The following APOB variants were observed in gnomAD, a reference collection of about 807,000 sequenced individuals.
APOB encodes apolipoprotein B-100.
A neutral mutation model predicts 314.1 loss-of-function variants in APOB; 153 were observed. The observed-to-expected ratio is 0.49, with a 90% CI of 0.43 to 0.56. APOB has a LOEUF of 0.56. APOB is among the 20% of genes least tolerant of loss of function. The pLI, the probability that APOB is intolerant of heterozygous loss-of-function variation, is 0.00. For missense variants in APOB, 5,430 were observed against 5,350.7 expected (o/e 1.01, Z -0.46); for synonymous variants, 2,087 against 2,036.4 (o/e 1.02, Z -0.67).
chr2:21,014,940 TCCCC>T, intron 23 of APOB, 129 bp downstream of exon 23: 1 of 974,888 alleles, frequency 1.0e-6, no homozygotes. Context: ...TTTTTTTTTC[TCCCC>T]AAGAATTCCC....
intron 20 of APOB, 26 bp downstream of exon 20, chr2:21,018,966 G>A: frequency 1.9e-6 from 3 of 1,613,868 alleles, no homozygotes; most frequent in African/African-American, 1.3e-5. Context: ...GAGCAGAGAT[G>A]AGGCAGCTGT....
rs766656064 is a variant in APOB, at chr2:21,004,655, C to T, written c.11809G>A (p.Glu3937Lys). The T allele has an allele frequency of 8.1e-6, 13 of 1,613,560 alleles. No homozygotes were observed. Among genetic ancestry groups the T allele is most frequent in the African/African-American group, 4.0e-5 (3 of 74,870 alleles). The change falls in exon 27 of 29, where the codon GAA (glutamate) becomes AAA (lysine). Residue 3937 changes from glutamate to lysine, a missense_variant. Physicochemically the swap from Glu to Lys is moderately conservative, Grantham distance 56. This residue lies in a region of APOB where 3,281 missense variants were observed against 3,171.0 expected (regional missense o/e 1.03). Coordinates refer to ENST00000233242, the MANE Select transcript of APOB (RefSeq NM_000384.3). ...ELNVLGTHKI[E>K]DGTLASKTKG... ...GTCTTAGAGGCTAACGTACCATCTTCGATTTTGTGTGTTCCCAAAACTGTA... is the reference window on the plus strand; with the variant it reads ...GTCTTAGAGGCTAACGTACCATCTTTGATTTTGTGTGTTCCCAAAACTGTA...
In APOB at chr2:21,043,756, A is replaced by C. The variant is rs373710220; in HGVS notation, c.82+108T>G. On this transcript the variant is annotated intron_variant, in intron 1 of 28. Transcript: ENST00000233242. Reference sequence around the variant, plus strand: ...GGTCCAATCCCCCCACTCGCCCTGGACCCTGTGGCTGCCCTCCCTCTGGCC... The same window carrying C: ...GGTCCAATCCCCCCACTCGCCCTGGCCCCTGTGGCTGCCCTCCCTCTGGCC... 3.3e-5 allele frequency: 50 copies of C among 1,511,068 alleles called. 1 individual carries two copies. The Middle Eastern group carries it at 5.2e-4, about 16-fold the overall frequency. 93.6% of individuals were successfully genotyped at this position (1,511,068 alleles called of 1,614,324 possible).
At chr2:21,042,996 G>C (rs1019326063) in intron 2 of APOB, among the ~76,000 whole-genome samples, 1 of 148,020 alleles carries the variant, frequency 6.8e-6, no homozygotes, top group Non-Finnish European at 1.5e-5. Flanking sequence ...AGAACATCTG[G>C]GTCCTGAGTC....
Position 21,038,109 on chromosome 2 carries a change from T to C in APOB, c.386A>G (p.Tyr129Cys), listed in dbSNP as rs201368319. The change falls in exon 5 of 29, where the codon TAT becomes TGT. Residue 129 changes from tyrosine to cysteine, a missense_variant and splice_region_variant. By Grantham distance (194) the Tyr-to-Cys change is radical. This residue lies in a region of APOB where 2,085 missense variants were observed against 2,079.7 expected (regional missense o/e 1.00). Coordinates refer to ENST00000233242, the MANE Select transcript of APOB (RefSeq NM_000384.3). ...SEEFAAAMSR[Y>C]ELKLAIPEGK... ...TTCTGGAATGGCCAGCTTGAGCTCA[T>C]ACCTGTCCCAGAGAGAGGATGGTCA... 1.1e-5 allele frequency: 17 copies of C among 1,613,982 alleles called. No individual in the cohort carries two copies. In the Admixed American group the frequency reaches 1.8e-4, roughly 17 times the overall value.
chr2:21,013,685 GC>G, intron 24 of APOB, 152 bp from the exon 25 acceptor site: 1 of 1,062,506 alleles, frequency 9.4e-7, no homozygotes, highest in Non-Finnish European at 1.4e-6. Flanking sequence ...GGACCCCTTT[GC>G]TTTTACCTCC....
chr2:21,005,099 G>A lies in APOB; in HGVS notation c.11769C>T (p.Phe3923=), dbSNP rs756829875. The A allele has an allele frequency of 3.1e-6, 5 of 1,613,894 alleles. No individual in the cohort carries two copies. The South Asian group carries it at 4.4e-5, about 14-fold the overall frequency. Residue 3923 remains phenylalanine, a synonymous_variant, in exon 26 of 29, where the codon TTC becomes TTT. Coordinates refer to ENST00000233242, the MANE Select transcript of APOB (RefSeq NM_000384.3). ...TCTTACCATTTAGTTCATATTCTAG[G>A]AACTGTACGGTTGAGCTGCATGTGG... ...LDSTCSSTVQ[F]LEYELNVLGT...
chr2:21,007,328 G>A lies in APOB; in HGVS notation c.9540C>T (p.Asn3180=), dbSNP rs1376017492. 1.9e-6 allele frequency: 3 copies of A among 1,613,818 alleles called. No individual in the cohort carries two copies. The highest frequency in any genetic ancestry group is 2.5e-6 in the Non-Finnish European group (3 of 1,179,942). Residue 3180 remains asparagine (N), a synonymous_variant, in exon 26 of 29, where the codon AAC becomes AAT. Transcript: ENST00000233242. ...DLSVKAQYKK[N]KHRHSITNPL... The stretch of plus-strand genomic sequence containing the variant: ...GATTTGTGATGGAATGCCTGTGTTT[G>A]TTTTTCTTATACTGAGCTTTTACAC...
chr2:21,043,372 G>T, intron 2 of APOB, 141 bp downstream of exon 2: 1 of 969,412 alleles, frequency 1.0e-6, no homozygotes, highest in Non-Finnish European at 1.6e-6. Flanking sequence ...CAGAGGCTCA[G>T]GGAACTTGCT....
At position 21,001,610 on chromosome 2, in the gene APOB, C is replaced by T; in HGVS notation, c.*120G>A. 1.1e-6 allele frequency: 1 copy of T among 947,604 alleles called. No individual in the cohort carries two copies. Among genetic ancestry groups the T allele is most frequent in the Non-Finnish European group, 1.6e-6 (1 of 616,740 alleles). The allele number at this position is 947,604 out of a possible 1,614,324, so 58.7% of individuals were successfully genotyped here. Reference sequence around the variant, plus strand: ...CATATGTGCTTCTGCTTATAGTCTACTGCCTACTGCAAGGCTGGCTCACTG... The same window carrying T: ...CATATGTGCTTCTGCTTATAGTCTATTGCCTACTGCAAGGCTGGCTCACTG... On this transcript the variant is annotated 3_prime_UTR_variant, in exon 29 of 29. Coordinates refer to ENST00000233242, the MANE Select transcript of APOB (RefSeq NM_000384.3).
intron 3 of APOB, 46 bp downstream of exon 3, chr2:21,042,315 G>A (rs745579073): frequency 4.0e-6 from 6 of 1,491,096 alleles, no homozygotes; most frequent in East Asian, 4.5e-5. Context: ...ACAGGGCTGG[G>A]GGAAAGCTGT....
chr2:21,038,656 T>G (rs1214398216), intron 4 of APOB, among the ~76,000 whole-genome samples: 7 of 152,210 alleles, frequency 4.6e-5, no homozygotes, highest in Non-Finnish European at 7.3e-5. Context: ...TTTTTTTGCT[T>G]GGCTCATCCA....
chr2:21,019,705 G>A lies in APOB; in HGVS notation c.2999+18C>T, dbSNP rs1371783244. The A allele has an allele frequency of 1.9e-6, 3 of 1,613,208 alleles. No homozygotes were observed. Among genetic ancestry groups the A allele is most frequent in the Non-Finnish European group, 2.5e-6 (3 of 1,179,372 alleles). The stretch of plus-strand genomic sequence containing the variant: ...GGAAGGTGAGAAAATGCTGGGTCAG[G>A]CACTGAGCATCTCTAACCTGGTGTC... On this transcript the variant is annotated intron_variant, in intron 19 of 28. Transcript: ENST00000233242.
chr2:21,006,058 C>A lies in APOB; in HGVS notation c.10810G>T (p.Ala3604Ser). 6.2e-7 allele frequency: 1 copy of A among 1,614,042 alleles called. No homozygotes were observed. The highest frequency in any genetic ancestry group is 8.5e-7 in the Non-Finnish European group (1 of 1,179,962). ...TCATGGAAGGAACTGGGCTGACTTG[C>A]ATGGACCTGAACAAGAGCTGACATT... ...WQMSALVQVH[A>S]SQPSSFHDFP... The change falls in exon 26 of 29, where the codon GCA becomes TCA. Residue 3604 changes from alanine to serine, a missense_variant. Transcript: ENST00000233242.
chr2:21,028,801 T>G (rs1663806390), intron 12 of APOB, among the ~76,000 whole-genome samples: 1 of 152,164 alleles, frequency 6.6e-6, no homozygotes, highest in Non-Finnish European at 1.5e-5. Flanking sequence ...TGTGATTTGT[T>G]TGGAGATCCA....
At chr2:21,038,618 G>A (rs909393756) in intron 4 of APOB, among the ~76,000 whole-genome samples, 2 of 152,190 alleles carry the variant, frequency 1.3e-5, no homozygotes, top group African/African-American at 4.8e-5. Context: ...CTACAGGCAT[G>A]AGCCACCAGG....
chr2:21,006,442 C>T lies in APOB; in HGVS notation c.10426G>A (p.Ala3476Thr), dbSNP rs762173319. ...TCCAAGCTAAGCTTGTGGTCAACTG[C>T]TCCTTTAGCGGTAGAGTACAGCATT... Reference protein sequence around the residue: ...SSMLYSTAKGAVDHKLSLESL... With the variant: ...SSMLYSTAKGTVDHKLSLESL... The change falls in exon 26 of 29, where the codon GCA becomes ACA. Residue 3476 changes from alanine (A) to threonine (T), a missense_variant. By Grantham distance (58) the Ala-to-Thr change is moderately conservative. Transcript: ENST00000233242. 2.5e-6 allele frequency: 4 copies of T among 1,614,098 alleles called. No homozygotes were observed. Among genetic ancestry groups the T allele is most frequent in the Non-Finnish European group, 3.4e-6 (4 of 1,179,986 alleles).
At position 21,010,861 on chromosome 2, in the gene APOB, C is replaced by A; in HGVS notation, c.6007G>T (p.Asp2003Tyr). ...SQDLDAYNTK[D>Y]KIGVELTGRT... Reference sequence around the variant, plus strand: ...CCAGTAAGCTCCACGCCAATTTTATCTTTAGTGTTGTAAGCATCCAAGTCC... The same window carrying A: ...CCAGTAAGCTCCACGCCAATTTTATATTTAGTGTTGTAAGCATCCAAGTCC... Residue 2003 changes from aspartate to tyrosine, a missense_variant, in exon 26 of 29, where the codon GAT becomes TAT. Coordinates refer to ENST00000233242, the MANE Select transcript of APOB (RefSeq NM_000384.3). 3.7e-6 allele frequency: 6 copies of A among 1,614,066 alleles called. No individual in the cohort carries two copies. The highest frequency in any genetic ancestry group is 4.2e-6 in the Non-Finnish European group (5 of 1,180,000).
intron 7 of APOB, 133 bp from the exon 8 acceptor site, chr2:21,035,034 G>T: frequency 1.3e-6 from 1 of 752,464 alleles, no homozygotes; most frequent in Non-Finnish European, 2.5e-6. Flanking sequence ...TCCAGCCATT[G>T]TTGGCCCTGA....
Sources: allele counts gnomAD v4.1 joint callset (sites outside exome capture counted in the v4.1 genomes callset), GRCh38; gene constraint gnomAD v4.1.1; regional missense constraint gnomAD v4.1.1; transcripts MANE v1.5; gene names NCBI Gene and HGNC (gene_info 2026-07-23, HGNC 2026-07-21).